MTUS1: variants seen among roughly 807,000 people sequenced by gnomAD.
MTUS1 encodes microtubule-associated tumor suppressor 1.
In MTUS1, 109 loss-of-function variants were observed where a neutral mutation model predicts 120.8. The observed-to-expected ratio is 0.90, with a 90% CI of 0.77 to 1.06. The LOEUF (loss-of-function observed/expected upper bound fraction) is 1.06. Among genes scored for constraint, MTUS1 ranks in the 50% least tolerant of loss-of-function variants. MTUS1 has a pLI of 0.00. For synonymous variants in MTUS1, 737 were observed against 550.5 expected (o/e 1.34, Z -4.74); for missense variants, 2,210 against 1,486.3 (o/e 1.49, Z -8.01).
At chr8:17,765,431 C>A (rs2049402059) in intron 1 of MTUS1, among the ~76,000 whole-genome samples, 1 of 152,034 alleles carries the variant, frequency 6.6e-6, no homozygotes, top group Non-Finnish European at 1.5e-5. Flanking sequence ...GAGTTCAAGA[C>A]CAGCCTTGCA....
At chr8:17,658,490 C>A (rs1808945331) in intron 8 of MTUS1, among the ~76,000 whole-genome samples, 1 of 152,274 alleles carries the variant, frequency 6.6e-6, no homozygotes, top group East Asian at 1.9e-4. Flanking sequence ...TGACTTTGGA[C>A]ATTCCCAGTC....
intron 3 of MTUS1, among the ~76,000 whole-genome samples, chr8:17,734,471 C>A (rs917351834): frequency 2.0e-5 from 3 of 152,002 alleles, no homozygotes; most frequent in Admixed American, 6.6e-5. Flanking sequence ...AAAAGTCCCA[C>A]AAAGGGAAGT....
intron 8 of MTUS1, among the ~76,000 whole-genome samples, chr8:17,668,132 C>A (rs1421288366): frequency 1.3e-5 from 2 of 152,176 alleles, no homozygotes; most frequent in African/African-American, 4.8e-5. Context: ...GCTTGTCCAA[C>A]TCACAGCCTG....
intron 1 of MTUS1, among the ~76,000 whole-genome samples, chr8:17,776,508 G>A (rs770448823): frequency 5.9e-4 from 90 of 151,690 alleles, no homozygotes; most frequent in Middle Eastern, 3.4e-3. Context: ...GTGAAACCCC[G>A]TCTCTACCAA....
rs2048389217 is a variant in MTUS1 at position 17,753,988 on chromosome 8, G to A, written c.1820C>T (p.Ala607Val). The change falls in exon 2 of 15, where the codon GCC becomes GTC. Residue 607 changes from alanine (A) to valine (V), a missense_variant. Transcript: ENST00000693296. ...ASHRVPRTTSAVKSNQEDVDK... is the reference protein window; with the variant it reads ...ASHRVPRTTSVVKSNQEDVDK... Reference sequence around the variant, plus strand: ...AACATCTTCCTGATTCGATTTCACGGCAGATGTTGTTCTTGGAACCCTGTG... The same window carrying A: ...AACATCTTCCTGATTCGATTTCACGACAGATGTTGTTCTTGGAACCCTGTG... 6.2e-7 allele frequency: 1 copy of A among 1,614,070 alleles called. No individual in the cohort carries two copies. Among genetic ancestry groups the A allele is most frequent in the African/African-American group, 1.3e-5 (1 of 74,910 alleles).
At chr8:17,658,060 C>CACACACACACACACAG (rs1349171223) in intron 8 of MTUS1, among the ~76,000 whole-genome samples, 1 of 148,220 alleles carries the variant, frequency 6.7e-6, no homozygotes, top group East Asian at 1.9e-4. Flanking sequence ...CACACACACA[C>CACACACACACACACAG]AGAGTCTTGC....
rs1179182741 is a variant in MTUS1, at chr8:17,755,411, C to G, written c.397G>C (p.Glu133Gln). The G allele has an allele frequency of 6.2e-7, 1 of 1,614,210 alleles. No individual in the cohort carries two copies. The change falls in exon 2 of 15, where the codon GAG becomes CAG. Residue 133 changes from glutamate to glutamine, a missense_variant. Glu to Gln is a conservative substitution (Grantham distance 29). Transcript: ENST00000693296. ...TTCCACACAAAAGGCAAAGATGGCT[C>G]AACACTCTGGCCCTCAACTGCTTCT... ...SLEAVEGQSV[E>Q]PSLPFVWKPN...
intron 1 of MTUS1, among the ~76,000 whole-genome samples, chr8:17,764,436 C>T (rs775087462): frequency 5.3e-5 from 8 of 150,904 alleles, no homozygotes; most frequent in Non-Finnish European, 1.2e-4. Flanking sequence ...TATGTACCTG[C>T]AATTTTATGA....
intron 8 of MTUS1, among the ~76,000 whole-genome samples, chr8:17,669,914 C>T (rs368802613): frequency 1.1e-4 from 17 of 152,168 alleles, no homozygotes; most frequent in African/African-American, 3.6e-4. Context: ...AGATCCTGGC[C>T]GCAAGTGGAG....
intron 3 of MTUS1, among the ~76,000 whole-genome samples, chr8:17,731,230 G>A (rs1372930971): frequency 6.6e-6 from 1 of 152,120 alleles, no homozygotes; most frequent in Non-Finnish European, 1.5e-5. Flanking sequence ...AAGCAGAACG[G>A]TACAGTAGTT....
In MTUS1 at chr8:17,715,853, G is replaced by T. The variant is rs751400218; in HGVS notation, c.2498C>A (p.Ala833Glu). 5.0e-6 allele frequency: 8 copies of T among 1,613,824 alleles called. No individual in the cohort carries two copies. The highest frequency in any genetic ancestry group is 6.8e-6 in the Non-Finnish European group (8 of 1,179,890). Residue 833 changes from alanine to glutamate, a missense_variant, in exon 5 of 15, where the codon GCA (alanine) becomes GAA (glutamate). Physicochemically the swap from Ala to Glu is moderately radical, Grantham distance 107. Transcript: ENST00000693296. ...IKYEEKPPKP[A>E]FQNGSSGSFY... ...GGATCCTGAGGAACCATTCTGAAAT[G>T]CTGGTTTTGGAGGTTTCTCCTCATA...
At chr8:17,721,650 A>C (rs540217234) in intron 4 of MTUS1, 1 of 1,501,492 alleles carries the variant, frequency 6.7e-7, no homozygotes, top group South Asian at 1.4e-5. Flanking sequence ...TCCTAAATCA[A>C]TTTATTGAAT....
At chr8:17,716,594 G>A (rs546695631) in intron 4 of MTUS1, 22 of 161,194 alleles carry the variant, frequency 1.4e-4, no homozygotes, top group South Asian at 7.8e-4. Flanking sequence ...TCACTCTGTC[G>A]TCCAGGCTGG....
intron 8 of MTUS1, among the ~76,000 whole-genome samples, chr8:17,664,817 C>G (rs1311013274): frequency 6.6e-6 from 1 of 152,132 alleles, no homozygotes; most frequent in Admixed American, 6.5e-5. Flanking sequence ...AAGGTCTGAT[C>G]TGGTTTGAAA....
chr8:17,690,729 A>C (rs1422686528), intron 6 of MTUS1, among the ~76,000 whole-genome samples: 1 of 152,136 alleles, frequency 6.6e-6, no homozygotes, highest in Non-Finnish European at 1.5e-5. Flanking sequence ...CACCAGGGAG[A>C]AAAAAGGCAA....
In MTUS1 at chr8:17,661,802, G is replaced by C. The variant is rs555569800; in HGVS notation, c.2906-5737C>G. ...GTCCAAAGCAGCAGGCCCAGCCCCA[G>C]ACAGTGACATCAGCCTGCAGCTGTG... On this transcript the variant is annotated intron_variant, in intron 8 of 14. Transcript: ENST00000693296. 4.6e-5 allele frequency among the ~76,000 whole-genome samples: 7 copies of C among 152,304 alleles called. No homozygotes were observed. In the South Asian group the frequency reaches 1.5e-3, roughly 32 times the overall value.
intron 2 of MTUS1, among the ~76,000 whole-genome samples, chr8:17,745,838 TC>T (rs1407392313): frequency 7.9e-5 from 12 of 152,174 alleles, no homozygotes; most frequent in African/African-American, 2.9e-4. Flanking sequence ...TGGATCTGTG[TC>T]CCCACCCAAA....
chr8:17,662,636 G>A (rs545204387), intron 8 of MTUS1, among the ~76,000 whole-genome samples: 25 of 152,168 alleles, frequency 1.6e-4, no homozygotes, highest in African/African-American at 6.0e-4. Context: ...TTACAGGTGT[G>A]AGCCACTGTG....
chr8:17,675,557 A>C (rs990614018), intron 7 of MTUS1, among the ~76,000 whole-genome samples: 1 of 152,226 alleles, frequency 6.6e-6, no homozygotes, highest in African/African-American at 2.4e-5. Flanking sequence ...CCTTTCGGCT[A>C]ATGCATACTG....
Sources: allele counts gnomAD v4.1 joint callset (sites outside exome capture counted in the v4.1 genomes callset), GRCh38; gene constraint gnomAD v4.1.1; transcripts MANE v1.5; gene names NCBI Gene and HGNC (gene_info 2026-07-23, HGNC 2026-07-21).